Variants in MAPK10 observed in about 807,000 individuals in gnomAD.
MAPK10 encodes the protein JNK3 alpha protein kinase.
A neutral mutation model predicts 59.3 loss-of-function variants in MAPK10; 25 were observed. That is an observed-to-expected ratio of 0.42 (90% confidence interval 0.31 to 0.59). MAPK10 has a LOEUF of 0.59. MAPK10 is among the 20% of genes least tolerant of loss of function. The pLI is 0.15. For synonymous variants in MAPK10, 190 were observed against 200.5 expected (o/e 0.95, Z 0.44); for missense variants, 351 against 568.9 (o/e 0.62, Z 3.90).
intron 2 of MAPK10, chr4:86,327,137 A>AC (rs1300145203): frequency 8.2e-6 from 1 of 121,812 alleles, no homozygotes; most frequent in Non-Finnish European, 1.8e-5. Flanking sequence ...CACCCAGCTA[A>AC]CTTTTTTTTT....
intron 2 of MAPK10, among the ~76,000 whole-genome samples, chr4:86,228,745 C>T (rs1182033543): frequency 6.6e-6 from 1 of 151,902 alleles, no homozygotes; most frequent in African/African-American, 2.4e-5. Flanking sequence ...GTTTGTATCC[C>T]CAGCACTTTA....
chr4:86,042,303 T>A (rs1041053746), intron 11 of MAPK10, among the ~76,000 whole-genome samples: 83 of 152,088 alleles, frequency 5.5e-4, no homozygotes, highest in African/African-American at 2.0e-3. Flanking sequence ...GAGGAGAACA[T>A]CACACACCAG....
At chr4:86,098,357 G>T in intron 9 of MAPK10, 167 bp downstream of exon 9, 1 of 762,468 alleles carries the variant, frequency 1.3e-6, no homozygotes, top group Non-Finnish European at 1.9e-6. Context: ...ATTGTGGTAG[G>T]CAGTCTTCAG....
chr4:86,260,221 G>A (rs1217173401), intron 2 of MAPK10, among the ~76,000 whole-genome samples: 1 of 152,026 alleles, frequency 6.6e-6, no homozygotes, highest in Non-Finnish European at 1.5e-5. Context: ...TGATTCTAGA[G>A]CTTCTGTGTT....
chr4:86,279,056 G>A (rs1159583592), intron 2 of MAPK10, among the ~76,000 whole-genome samples: 1 of 152,034 alleles, frequency 6.6e-6, no homozygotes, highest in African/African-American at 2.4e-5. Flanking sequence ...GGCTTTTCAT[G>A]GTTATGTAAA....
intron 9 of MAPK10, chr4:86,089,174 C>T: frequency 6.4e-7 from 1 of 1,550,694 alleles, no homozygotes; most frequent in Non-Finnish European, 8.9e-7. Context: ...AGAGTGACAC[C>T]CATAGATACC....
chr4:86,235,737 G>T (rs762936446), intron 2 of MAPK10, among the ~76,000 whole-genome samples: 1 of 152,166 alleles, frequency 6.6e-6, no homozygotes, highest in African/African-American at 2.4e-5. Flanking sequence ...AACAGAAAAG[G>T]AGCTGTGGGG....
At chr4:86,230,329 T>C (rs1046735544) in intron 2 of MAPK10, among the ~76,000 whole-genome samples, 1 of 152,212 alleles carries the variant, frequency 6.6e-6, no homozygotes, top group African/African-American at 2.4e-5. Context: ...GACTTTAAAT[T>C]GTATCACTCA....
At position 86,252,059 on chromosome 4, in the gene MAPK10, C is replaced by A. The variant is rs181697917; in HGVS notation, c.-6-57652G>T. Reference sequence around the variant, plus strand: ...GTAAATTTGTTTGAGTTCATTGTAGCTTCTGGATATTAGCCCTTTGTCAGA... The same window carrying A: ...GTAAATTTGTTTGAGTTCATTGTAGATTCTGGATATTAGCCCTTTGTCAGA... On this transcript the variant is annotated intron_variant, in intron 2 of 13. Coordinates refer to ENST00000641462, the MANE Select transcript of MAPK10 (RefSeq NM_138982.4). 5.8e-4 allele frequency among the ~76,000 whole-genome samples: 68 copies of A among 116,792 alleles called. 2 individuals carry two copies. The highest frequency in any genetic ancestry group is 3.4e-3 in the South Asian group (14 of 4,084). 76.6% of individuals were successfully genotyped at this position (116,792 alleles called of 152,430 possible).
intron 1 of MAPK10, among the ~76,000 whole-genome samples, chr4:86,514,431 T>A (rs922635485): frequency 6.6e-6 from 1 of 152,196 alleles, no homozygotes; most frequent in South Asian, 2.1e-4. Context: ...CCTCTCTGAA[T>A]ATATACATAG....
intron 11 of MAPK10, among the ~76,000 whole-genome samples, chr4:86,059,872 C>G (rs1180934168): frequency 6.6e-6 from 1 of 152,140 alleles, no homozygotes; most frequent in East Asian, 1.9e-4. Flanking sequence ...TTGGCTGCCA[C>G]ACAGAAGGCC....
At chr4:86,241,417 T>G (rs985512015) in intron 2 of MAPK10, among the ~76,000 whole-genome samples, 3 of 152,144 alleles carry the variant, frequency 2.0e-5, no homozygotes, top group Non-Finnish European at 2.9e-5. Flanking sequence ...TATCCTGAAG[T>G]GTGTTTTCCA....
chr4:86,340,701 T>A lies in MAPK10; in HGVS notation c.-7+13829A>T, dbSNP rs145385434. Among the ~76,000 whole-genome samples, 554 of 152,230 alleles carry A rather than the reference T, an allele frequency of 3.6e-3. 5 individuals are homozygous for A. Among genetic ancestry groups the A allele is most frequent in the African/African-American group, 0.013 (525 of 41,544 alleles). Reference sequence around the variant, plus strand: ...TAAAAAGTAAACAAAGCAGAGGTGCTAAATTTTCATCTCTGTGACCTAATA... The same window carrying A: ...TAAAAAGTAAACAAAGCAGAGGTGCAAAATTTTCATCTCTGTGACCTAATA... On this transcript the variant is annotated intron_variant, in intron 2 of 13. Transcript: ENST00000641462.
intron 9 of MAPK10, among the ~76,000 whole-genome samples, chr4:86,076,413 C>A (rs2049476246): frequency 6.6e-6 from 1 of 152,216 alleles, no homozygotes; most frequent in Non-Finnish European, 1.5e-5. Context: ...CATCTTGGCT[C>A]CTCCCCATGA....
At chr4:86,195,578 T>A (rs1244670771) in intron 2 of MAPK10, among the ~76,000 whole-genome samples, 4 of 149,170 alleles carry the variant, frequency 2.7e-5, no homozygotes, top group African/African-American at 1.0e-4. Context: ...TTTATTTGTA[T>A]TTTTTTATTA....
intron 4 of MAPK10, among the ~76,000 whole-genome samples, chr4:86,110,069 G>A (rs111423006): frequency 0.18 from 27,796 of 151,846 alleles, 2,675 homozygotes; most frequent in African/African-American, 0.23. Flanking sequence ...CCCTTTATAT[G>A]AGGTTGGTTT....
chr4:86,039,336 C>A (rs2041005585), intron 11 of MAPK10, among the ~76,000 whole-genome samples: 1 of 152,150 alleles, frequency 6.6e-6, no homozygotes, highest in Non-Finnish European at 1.5e-5. Flanking sequence ...TACCAGACAG[C>A]ACAGCATGGA....
At position 86,115,703 on chromosome 4, in the gene MAPK10, C is replaced by T. The variant is rs553833341; in HGVS notation, c.237-8351G>A. Among the ~76,000 whole-genome samples the T allele has an allele frequency of 1.6e-4, 24 of 152,236 alleles. No homozygotes were observed. In the South Asian group the frequency reaches 1.9e-3, roughly 12 times the overall value. On this transcript the variant is annotated intron_variant, in intron 4 of 13. Transcript: ENST00000641462. ...CTCAAACTCCTGACCTCAAGTAATC[C>T]GCCCATCTTGGCCTCCCAAAGTGCT...
chr4:86,303,612 C>T (rs1397770899), intron 2 of MAPK10, among the ~76,000 whole-genome samples: 1 of 152,124 alleles, frequency 6.6e-6, no homozygotes, highest in Non-Finnish European at 1.5e-5. Context: ...GAGAATGCCA[C>T]ACTGAGAAGG....
Sources: allele counts gnomAD v4.1 joint callset (sites outside exome capture counted in the v4.1 genomes callset), GRCh38; gene constraint gnomAD v4.1.1; transcripts MANE v1.5; gene names NCBI Gene and HGNC (gene_info 2026-07-23, HGNC 2026-07-21).